Variants in TPRX1 observed in about 807,000 individuals in gnomAD.
TPRX1 encodes tetrapeptide repeat homeobox 1, also known as tetra-peptide repeat homeobox protein 1.
In TPRX1, 2 loss-of-function variants were observed where a neutral mutation model predicts 8.1. That is an observed-to-expected ratio of 0.25 (90% CI 0.10 to 0.78). The LOEUF (loss-of-function observed/expected upper bound fraction) is 0.78. Ranked by LOEUF, TPRX1 falls within the 30% of genes least tolerant of loss-of-function variation. The pLI, the probability that TPRX1 is intolerant of heterozygous loss-of-function variation, is 0.70. For synonymous variants in TPRX1, 257 were observed against 254.1 expected (o/e 1.01, Z -0.11); for missense variants, 517 against 586.9 (o/e 0.88, Z 1.23).
At chr19:47,806,579 A>G (rs552086794) in intron 2 of TPRX1, among the ~76,000 whole-genome samples, 4 of 152,236 alleles carry the variant, frequency 2.6e-5, no homozygotes, top group South Asian at 4.1e-4. Flanking sequence ...AAAATGTCAT[A>G]TATTTACACA....
At chr19:47,802,906 C>T in exon 4 of TPRX1, 2 of 1,565,676 alleles carry the variant, frequency 1.3e-6, no homozygotes, top group Admixed American at 3.8e-5. Context: ...GGCCTCTCTG[C>T]CCAGGGACGC....
At chr19:47,815,260 T>C (rs1967829262) in intron 2 of TPRX1, among the ~76,000 whole-genome samples, 1 of 143,538 alleles carries the variant, frequency 7.0e-6, no homozygotes, top group Non-Finnish European at 1.5e-5. Context: ...GTTCAAGCGA[T>C]TGTCCTGCCT....
At chr19:47,817,610 G>A (rs1044463691) in intron 2 of TPRX1, among the ~76,000 whole-genome samples, 21 of 152,286 alleles carry the variant, frequency 1.4e-4, no homozygotes, top group African/African-American at 3.1e-4. Flanking sequence ...TTTGGCCCCC[G>A]AGCCCCGCTC....
rs772529439 is a variant in TPRX1, at chr19:47,801,732, C to T, written c.*43G>A. On this transcript the variant is annotated 3_prime_UTR_variant, in exon 4 of 4. Coordinates refer to ENST00000535759, the Ensembl canonical transcript of TPRX1. Reference sequence around the variant, plus strand: ...TCACCAGCAGTGTAGATCAGCCACTCCAGGCCCTCTGGGATCTGAAGAACT... The same window carrying T: ...TCACCAGCAGTGTAGATCAGCCACTTCAGGCCCTCTGGGATCTGAAGAACT... The T allele has an allele frequency of 1.7e-5, 26 of 1,504,082 alleles. No homozygotes were observed. In the South Asian group the frequency reaches 3.5e-4, roughly 20 times the overall value. The allele number at this position is 1,504,082 out of a possible 1,614,324, so 93.2% of individuals were successfully genotyped here. A position where few individuals can be genotyped will look rare whatever the true frequency, so the allele number is the denominator to read the frequency against.
At chr19:47,802,207 C>T (rs1568613388) in exon 4 of TPRX1, 4 of 1,607,428 alleles carry the variant, frequency 2.5e-6, no homozygotes, top group Non-Finnish European at 2.5e-6. Context: ...GGCTGGGAAT[C>T]GGGCCTATAA....
intron 2 of TPRX1, among the ~76,000 whole-genome samples, chr19:47,811,561 C>T (rs1384919156): frequency 3.4e-5 from 5 of 147,330 alleles, no homozygotes; most frequent in East Asian, 2.0e-4. Flanking sequence ...TACAGTGGCG[C>T]GATCTCGGCT....
At chr19:47,815,478 A>G (rs1967831500) in intron 2 of TPRX1, among the ~76,000 whole-genome samples, 3 of 150,308 alleles carry the variant, frequency 2.0e-5, no homozygotes, top group African/African-American at 7.3e-5. Flanking sequence ...GTAAAATTCA[A>G]AATCTTCAAA....
intron 1 of TPRX1, chr19:47,818,562 A>G (rs1364881201): frequency 2.2e-6 from 1 of 455,988 alleles, no homozygotes; most frequent in Non-Finnish European, 4.4e-6. Context: ...ACAAGAAACA[A>G]GATGTCAGTA....
At position 47,816,723 on chromosome 19, in the gene TPRX1, G is replaced by C. The variant is rs564343293; in HGVS notation, c.151+1745C>G. Among the ~76,000 whole-genome samples, 899 of 151,626 alleles carry C rather than the reference G, an allele frequency of 5.9e-3. 8 individuals carry two copies. The highest frequency in any genetic ancestry group is 0.02 in the African/African-American group (839 of 41,302). On this transcript the variant is annotated intron_variant, in intron 2 of 3. Coordinates refer to ENST00000535759, the Ensembl canonical transcript of TPRX1. Reference sequence around the variant, plus strand: ...ATTTTTTGTATTTTTTAGTAGAGATGGGGTTTCACCATGTTAGCCAGGATG... The same window carrying C: ...ATTTTTTGTATTTTTTAGTAGAGATCGGGTTTCACCATGTTAGCCAGGATG...
At chr19:47,803,086 GC>G (rs1217016926) in intron 3 of TPRX1, 106 bp from the exon 3 acceptor site, 30 of 1,144,774 alleles carry the variant, frequency 2.6e-5, no homozygotes, top group East Asian at 1.7e-4. Context: ...GTGCTCAACA[GC>G]CCCCCATCCC....
intron 2 of TPRX1, among the ~76,000 whole-genome samples, chr19:47,813,456 G>A (rs543142904): frequency 1.1e-3 from 175 of 152,280 alleles, no homozygotes; most frequent in African/African-American, 3.9e-3. Context: ...TGTAGAGAGG[G>A]GAGTTGTTCC....
At chr19:47,818,642 C>T (rs549856650) in intron 1 of TPRX1, 16 of 436,702 alleles carry the variant, frequency 3.7e-5, no homozygotes, top group African/African-American at 3.0e-4. Flanking sequence ...TGAGGAGCAC[C>T]CCCATCCTGC....
At chr19:47,802,687 C>A (rs1310284099) in exon 4 of TPRX1, 35 of 1,565,684 alleles carry the variant, frequency 2.2e-5, no homozygotes, top group Non-Finnish European at 2.9e-5. Flanking sequence ...GGCCTGGGAT[C>A]TGGGCTGGGC....
In TPRX1 at chr19:47,803,419, G is replaced by C. The variant is rs994179269; in HGVS notation, c.321+85C>G. ...TTGCGTGGCAGGGCGGGAGGTGGTCGGGCGGGCCAGGCCCCGGTGAGTGAC... is the reference window on the plus strand; with the variant it reads ...TTGCGTGGCAGGGCGGGAGGTGGTCCGGCGGGCCAGGCCCCGGTGAGTGAC... On this transcript the variant is annotated intron_variant, in intron 3 of 3. Coordinates refer to ENST00000535759, the Ensembl canonical transcript of TPRX1. 15 of 698,510 alleles carry C rather than the reference G, an allele frequency of 2.1e-5. No individual in the cohort carries two copies. In the South Asian group the frequency reaches 2.2e-4, roughly 10 times the overall value. 43.3% of individuals were successfully genotyped at this position (698,510 alleles called of 1,614,324 possible).
chr19:47,807,677 A>T (rs901795758), intron 2 of TPRX1, among the ~76,000 whole-genome samples: 6 of 152,176 alleles, frequency 3.9e-5, no homozygotes, highest in African/African-American at 1.2e-4. Context: ...CCAGCCCTGA[A>T]TTGTATACTT....
At chr19:47,816,597 A>G (rs1195253861) in intron 2 of TPRX1, among the ~76,000 whole-genome samples, 1 of 148,352 alleles carries the variant, frequency 6.7e-6, no homozygotes, top group Non-Finnish European at 1.5e-5. Flanking sequence ...CGGTGGCACA[A>G]TCTCGGCTCA....
chr19:47,803,022 C>G, intron 3 of TPRX1, 42 bp from the exon 3 acceptor site: 2 of 1,509,824 alleles, frequency 1.3e-6, no homozygotes, highest in Non-Finnish European at 1.8e-6. Context: ...GAAGGAGGGG[C>G]TCGCGCGGCC....
chr19:47,811,740 G>T (rs915967654), intron 2 of TPRX1, among the ~76,000 whole-genome samples: 4 of 151,604 alleles, frequency 2.6e-5, no homozygotes, highest in Admixed American at 2.6e-4. Context: ...CTCGTGATCC[G>T]CCCACCTCAG....
At chr19:47,811,097 G>A (rs1023291280) in intron 2 of TPRX1, among the ~76,000 whole-genome samples, 1 of 150,872 alleles carries the variant, frequency 6.6e-6, no homozygotes, top group Non-Finnish European at 1.5e-5. Context: ...TCTGCCTCCC[G>A]GGTTCAAGGG....
Sources: allele counts gnomAD v4.1 joint callset (sites outside exome capture counted in the v4.1 genomes callset), GRCh38; gene constraint gnomAD v4.1.1; transcripts MANE v1.5; gene names NCBI Gene and HGNC (gene_info 2026-07-23, HGNC 2026-07-21).